Variants in RAB35 observed in about 807,000 individuals in gnomAD.
RAB35 encodes the protein RAB35, member RAS oncogene family.
A neutral mutation model predicts 28.9 loss-of-function variants in RAB35; 4 were observed. The ratio of observed to expected loss-of-function variants is 0.14; its 90% CI spans 0.07 to 0.32. RAB35 has a LOEUF of 0.32. Among genes scored for constraint, RAB35 ranks in the 10% least tolerant of loss-of-function variants. RAB35 has a pLI of 1.00. For synonymous variants in RAB35, 99 were observed against 105.1 expected (o/e 0.94, Z 0.35); for missense variants, 128 against 274.0 (o/e 0.47, Z 3.76).
chr12:120,110,290 A>ATTTTTTTTTTTTTTTTTTTTTTTT (rs3999541), intron 1 of RAB35, among the ~76,000 whole-genome samples: 1,570 of 88,356 alleles, frequency 0.018, 319 homozygotes, highest in African/African-American at 0.048. Flanking sequence ...AGCCCACAGC[A>ATTTTTTTTTTTTTTTTTTTTTTTT]TTTTTTTTTT....
chr12:120,112,122 G>A (rs944556775), intron 1 of RAB35, among the ~76,000 whole-genome samples: 9 of 152,072 alleles, frequency 5.9e-5, no homozygotes, highest in African/African-American at 2.2e-4. Context: ...GATTACAGGC[G>A]CCCGCCATCA....
rs143707077 is a variant in RAB35, at chr12:120,107,066, G to A, written c.103+1351C>T. ...TGCAGTGGTGCCATCTCAGCTCACT[G>A]CAACCTCCCTCTCCCGGATTCAAGC... On this transcript the variant is annotated intron_variant, in intron 2 of 5. Transcript: ENST00000229340. 5.4e-4 allele frequency among the ~76,000 whole-genome samples: 82 copies of A among 151,946 alleles called. 1 individual carries two copies. The highest frequency in any genetic ancestry group is 8.2e-4 in the Non-Finnish European group (56 of 67,962).
intron 2 of RAB35, among the ~76,000 whole-genome samples, chr12:120,105,002 C>A (rs1472691450): frequency 1.3e-5 from 2 of 152,276 alleles, no homozygotes; most frequent in East Asian, 3.9e-4. Context: ...AAGCCTGACA[C>A]TAGGAAGAGC....
Position 120,096,719 on chromosome 12 carries a change from G to A in RAB35, c.*526C>T. On this transcript the variant is annotated 3_prime_UTR_variant, in exon 6 of 6. Coordinates refer to ENST00000229340, the MANE Select transcript of RAB35 (RefSeq NM_006861.7). ...GGCCCCGGAGAAGGGGCAAGACCCT[G>A]TGCAGCGGGGACAGAGGCTGACAAC... 1 of 1,289,976 alleles carries A rather than the reference G, an allele frequency of 7.8e-7. No individual in the cohort carries two copies. Among genetic ancestry groups the A allele is most frequent in the South Asian group, 1.2e-5 (1 of 81,040 alleles). 79.9% of individuals were successfully genotyped at this position (1,289,976 alleles called of 1,614,324 possible).
At chr12:120,107,904 C>T (rs115680492) in intron 2 of RAB35, among the ~76,000 whole-genome samples, 3,649 of 150,244 alleles carry the variant, frequency 0.024, 152 homozygotes, top group African/African-American at 0.085. Flanking sequence ...ATAAATATCG[C>T]CTATATCCCA....
Position 120,109,392 on chromosome 12 carries a change from G to A in RAB35, c.53-925C>T, listed in dbSNP as rs913694228. The stretch of plus-strand genomic sequence containing the variant: ...CACTTGAACCCGGGAGGCGGAGGTT[G>A]CAGTGAGCTGAGATCATGCCACTGC... On this transcript the variant is annotated intron_variant, in intron 1 of 5. Transcript: ENST00000229340. 1.1e-4 allele frequency among the ~76,000 whole-genome samples: 17 copies of A among 152,102 alleles called. 1 individual carries two copies. Among genetic ancestry groups the A allele is most frequent in the African/African-American group, 4.1e-4 (17 of 41,402 alleles).
chr12:120,101,131 G>C (rs1875640852), intron 3 of RAB35, among the ~76,000 whole-genome samples: 2 of 152,232 alleles, frequency 1.3e-5, no homozygotes, highest in Admixed American at 6.5e-5. Flanking sequence ...TGGCTAGGAG[G>C]AACCGGAGCA....
chr12:120,099,206 C>G, intron 3 of RAB35, 52 bp from the exon 4 acceptor site: 1 of 1,609,200 alleles, frequency 6.2e-7, no homozygotes, highest in African/African-American at 1.3e-5. Context: ...GAGTCACCCC[C>G]TTGCCGGGAC....
chr12:120,107,609 G>A (rs534706777), intron 2 of RAB35, among the ~76,000 whole-genome samples: 2 of 152,210 alleles, frequency 1.3e-5, no homozygotes, highest in Non-Finnish European at 2.9e-5. Flanking sequence ...GCTCACGCCT[G>A]TAATCCCAGC....
chr12:120,103,841 C>T lies in RAB35; in HGVS notation c.212G>A (p.Arg71His). 6.2e-7 allele frequency: 1 copy of T among 1,613,978 alleles called. No individual in the cohort carries two copies. Among genetic ancestry groups the T allele is most frequent in the Non-Finnish European group, 8.5e-7 (1 of 1,179,972 alleles). Reference sequence around the variant, plus strand: ...GTGGACTCACGTGGAGGTGATGGTGCGGAAGCGCTCCTGCCCCGCTGTGTC... The same window carrying T: ...GTGGACTCACGTGGAGGTGATGGTGTGGAAGCGCTCCTGCCCCGCTGTGTC... Reference protein sequence around the residue: ...IWDTAGQERFRTITSTYYRGT... With the variant: ...IWDTAGQERFHTITSTYYRGT... Residue 71 changes from arginine (R) to histidine (H), a missense_variant, in exon 3 of 6, where the codon CGC (arginine) becomes CAC (histidine). Transcript: ENST00000229340. The surrounding 1 kb of genome is among the most constrained non-coding windows in gnomAD (Gnocchi z 6.1).
intron 1 of RAB35, among the ~76,000 whole-genome samples, chr12:120,113,744 G>A (rs1876217018): frequency 6.6e-6 from 1 of 152,032 alleles, no homozygotes; most frequent in Non-Finnish European, 1.5e-5. Flanking sequence ...CGTGAACCGG[G>A]GAGGTGGAGC....
intron 4 of RAB35, 24 bp downstream of exon 4, chr12:120,099,006 A>G (rs759212868): frequency 6.2e-7 from 1 of 1,608,092 alleles, no homozygotes; most frequent in Non-Finnish European, 8.5e-7. Context: ...CCCAACCCCG[A>G]CCCGGCCCTG....
rs1287758826 is a variant in RAB35 at position 120,115,101 on chromosome 12, C to T, written c.52+1498G>A. On this transcript the variant is annotated intron_variant, in intron 1 of 5. Transcript: ENST00000229340. Reference sequence around the variant, plus strand: ...ACCAGTCAGTACTCCACCTTTCTACCTCCTTCCCCAACCTCAGTTACTCTT... The same window carrying T: ...ACCAGTCAGTACTCCACCTTTCTACTTCCTTCCCCAACCTCAGTTACTCTT... 2.0e-5 allele frequency among the ~76,000 whole-genome samples: 3 copies of T among 152,126 alleles called. No individual in the cohort carries two copies. The East Asian group carries it at 5.8e-4, about 29-fold the overall frequency.
intron 1 of RAB35, among the ~76,000 whole-genome samples, chr12:120,113,773 G>C (rs542684344): frequency 1.1e-4 from 17 of 151,024 alleles, no homozygotes; most frequent in Non-Finnish European, 2.4e-4. Context: ...AGCCGAGATC[G>C]CGCCACTGCA....
chr12:120,104,631 G>A (rs1269211459), intron 2 of RAB35, among the ~76,000 whole-genome samples: 1 of 151,782 alleles, frequency 6.6e-6, no homozygotes, highest in Non-Finnish European at 1.5e-5. Context: ...TGCAGCATCT[G>A]TGGGAAAAAT....
rs1485423337 is a variant in RAB35, at chr12:120,099,019, T to A, written c.352+11A>T. On this transcript the variant is annotated intron_variant, in intron 4 of 5. Transcript: ENST00000229340. ...CACCCAACCCCGACCCGGCCCTGAG[T>A]GCAGCCTCACCTAATATTCGGCACA... 3.7e-6 allele frequency: 6 copies of A among 1,613,972 alleles called. No individual in the cohort carries two copies. Among genetic ancestry groups the A allele is most frequent in the Non-Finnish European group, 5.1e-6 (6 of 1,179,982 alleles).
intron 3 of RAB35, among the ~76,000 whole-genome samples, chr12:120,100,491 T>C (rs987272972): frequency 1.5e-4 from 23 of 152,146 alleles, no homozygotes; most frequent in Non-Finnish European, 2.9e-4. Context: ...GCATCATCAA[T>C]GTGCCTTCAA....
chr12:120,109,137 C>G (rs538501621), intron 1 of RAB35, among the ~76,000 whole-genome samples: 1 of 152,310 alleles, frequency 6.6e-6, no homozygotes, highest in East Asian at 1.9e-4. Flanking sequence ...CACATCTGGC[C>G]TCCCCCACTT....
chr12:120,109,629 G>T (rs1254090894), intron 1 of RAB35, among the ~76,000 whole-genome samples: 1 of 151,386 alleles, frequency 6.6e-6, no homozygotes, highest in Non-Finnish European at 1.5e-5. Context: ...ATTTTTAGTA[G>T]GGACAGAGTC....
Sources: allele counts gnomAD v4.1 joint callset (sites outside exome capture counted in the v4.1 genomes callset), GRCh38; gene constraint gnomAD v4.1.1; non-coding constraint Gnocchi (gnomAD v3.1); transcripts MANE v1.5; gene names NCBI Gene and HGNC (gene_info 2026-07-23, HGNC 2026-07-21).